Variants in AFAP1L2 observed in about 807,000 individuals in gnomAD.
The protein encoded by AFAP1L2 is actin filament associated protein 1 like 2.
Under a neutral mutation model 99.3 loss-of-function variants are expected in AFAP1L2, and 46 were observed. The observed-to-expected ratio is 0.46, with a 90% CI of 0.37 to 0.59. The LOEUF is 0.59. AFAP1L2 is among the 20% of genes least tolerant of loss of function. The pLI, the probability that AFAP1L2 is intolerant of heterozygous loss-of-function variation, is 0.00. For synonymous variants in AFAP1L2, 397 were observed against 419.1 expected (o/e 0.95, Z 0.64); for missense variants, 959 against 1,034.9 (o/e 0.93, Z 1.01).
chr10:114,319,365 C>T (rs2044707760), intron 5 of AFAP1L2, among the ~76,000 whole-genome samples: 1 of 136,216 alleles, frequency 7.3e-6, no homozygotes, highest in South Asian at 2.4e-4. Flanking sequence ...TGTTTTGATA[C>T]CACATGGGTG....
At chr10:114,365,130 T>C (rs1213678928) in intron 1 of AFAP1L2, among the ~76,000 whole-genome samples, 3 of 152,188 alleles carry the variant, frequency 2.0e-5, no homozygotes, top group African/African-American at 7.2e-5. Flanking sequence ...TACCCTAACG[T>C]TCCTTAGCAG....
At chr10:114,320,165 A>G (rs2044934189) in intron 5 of AFAP1L2, among the ~76,000 whole-genome samples, 2 of 152,166 alleles carry the variant, frequency 1.3e-5, no homozygotes, top group Admixed American at 1.3e-4. Flanking sequence ...CCAGGGTGAG[A>G]CACCATCAGT....
intron 2 of AFAP1L2, among the ~76,000 whole-genome samples, chr10:114,334,269 A>G (rs1007396711): frequency 2.0e-5 from 3 of 152,178 alleles, no homozygotes; most frequent in Non-Finnish European, 2.9e-5. Context: ...CTCTTGCTCC[A>G]TTTCCAATCC....
intron 1 of AFAP1L2, among the ~76,000 whole-genome samples, chr10:114,370,053 GT>G (rs1308135416): frequency 1.3e-5 from 2 of 152,172 alleles, no homozygotes; most frequent in Non-Finnish European, 2.9e-5. Context: ...CCCTGACTCT[GT>G]TTCCCCATCA....
intron 1 of AFAP1L2, among the ~76,000 whole-genome samples, chr10:114,385,655 A>T (rs867007927): frequency 1.3e-5 from 2 of 152,110 alleles, no homozygotes; most frequent in South Asian, 2.1e-4. Context: ...CCCTGCCCCC[A>T]CACCCCATTG....
intron 1 of AFAP1L2, among the ~76,000 whole-genome samples, chr10:114,356,180 A>T (rs2051348625): frequency 1.3e-5 from 2 of 152,246 alleles, no homozygotes; most frequent in Non-Finnish European, 2.9e-5. Context: ...TTGGAACAGT[A>T]ACATGGTGCA....
chr10:114,300,759 G>T, intron 13 of AFAP1L2, 69 bp from the exon 14 acceptor site: 1 of 1,520,274 alleles, frequency 6.6e-7, no homozygotes, highest in Non-Finnish European at 8.8e-7. Flanking sequence ...GGGGGTACCA[G>T]CCCTGCCTCA....
At chr10:114,288,353 G>A in the AFAP1L2 span, among the ~76,000 whole-genome samples, 12 of 152,224 alleles carry the variant, frequency 7.9e-5, no homozygotes, top group Admixed American at 2.6e-4. Flanking sequence ...CCCCTAGACT[G>A]TCAGCCTGTT....
At chr10:114,385,438 G>A (rs56114222) in intron 1 of AFAP1L2, among the ~76,000 whole-genome samples, 5,713 of 152,208 alleles carry the variant, frequency 0.038, 119 homozygotes, top group Middle Eastern at 0.095. Flanking sequence ...GGTCAGGGTC[G>A]AAGCCATCTG....
chr10:114,285,426 C>T, the AFAP1L2 span, among the ~76,000 whole-genome samples: 3 of 152,196 alleles, frequency 2.0e-5, no homozygotes, highest in South Asian at 2.1e-4. Context: ...ATGCAAAGTG[C>T]TTAGTACCAT....
chr10:114,328,949 C>T (rs2046839648), intron 4 of AFAP1L2, among the ~76,000 whole-genome samples: 1 of 152,218 alleles, frequency 6.6e-6, no homozygotes, highest in African/African-American at 2.4e-5. Flanking sequence ...AGGGGACTCG[C>T]AGTCCACACC....
At chr10:114,390,907 G>A (rs934229743) in intron 1 of AFAP1L2, among the ~76,000 whole-genome samples, 1 of 152,120 alleles carries the variant, frequency 6.6e-6, no homozygotes, top group Non-Finnish European at 1.5e-5. Context: ...GACTAAAGAA[G>A]CCCAGGCATT....
At chr10:114,293,175 C>T (rs1402289158), downstream of AFAP1L2, among the ~76,000 whole-genome samples, 1 of 152,200 alleles carries the variant, frequency 6.6e-6, no homozygotes. Context: ...TCATAATCAT[C>T]TATATTCAAG....
At position 114,295,016 on chromosome 10, in the gene AFAP1L2, TA is replaced by T. The variant is rs10627231; in HGVS notation, c.*1025del. 38,784 of 862,096 alleles carry T rather than the reference TA, an allele frequency of 0.045. 769 individuals are homozygous for T. Among genetic ancestry groups the T allele is most frequent in the African/African-American group, 0.22 (10,792 of 50,094 alleles). 53.4% of individuals were successfully genotyped at this position (862,096 alleles called of 1,614,324 possible). A position where few individuals can be genotyped will look rare whatever the true frequency, so the allele number is the denominator to read the frequency against. ...ATAGATGAAATGTTTCAACCTGTGT[TA>T]AAAAAAAAAAAAAAAAAATGCCATC... On this transcript the variant is annotated 3_prime_UTR_variant, in exon 19 of 19. Coordinates refer to ENST00000304129, the MANE Select transcript of AFAP1L2 (RefSeq NM_001001936.3).
chr10:114,351,807 G>A (rs1427847838), intron 1 of AFAP1L2, among the ~76,000 whole-genome samples: 1 of 152,146 alleles, frequency 6.6e-6, no homozygotes, highest in African/African-American at 2.4e-5. Flanking sequence ...CTGGGTTCTT[G>A]ATCTTGCAAG....
At chr10:114,331,734 C>T (rs560876971) in intron 4 of AFAP1L2, 69 bp downstream of exon 4, 7 of 1,116,104 alleles carry the variant, frequency 6.3e-6, no homozygotes, top group Non-Finnish European at 8.3e-6. Context: ...TGAGCTGACA[C>T]CTGTGGAGAC....
intron 1 of AFAP1L2, among the ~76,000 whole-genome samples, chr10:114,403,125 C>T (rs1406360161): frequency 6.6e-6 from 1 of 152,184 alleles, no homozygotes; most frequent in Non-Finnish European, 1.5e-5. Flanking sequence ...AGAAAACCAC[C>T]GGGTTAGAAA....
At chr10:114,396,572 A>T (rs962146155) in intron 1 of AFAP1L2, among the ~76,000 whole-genome samples, 1 of 152,228 alleles carries the variant, frequency 6.6e-6, no homozygotes, top group Non-Finnish European at 1.5e-5. Flanking sequence ...AGCATAGACA[A>T]GCAGGACTGC....
chr10:114,291,301 T>C (rs1238290365), downstream of AFAP1L2: 1 of 1,510,432 alleles, frequency 6.6e-7, no homozygotes, highest in African/African-American at 1.4e-5. Flanking sequence ...AGAGAAGGCC[T>C]GGGCACTGAA....
Sources: allele counts gnomAD v4.1 joint callset (sites outside exome capture counted in the v4.1 genomes callset), GRCh38; gene constraint gnomAD v4.1.1; transcripts MANE v1.5; gene names NCBI Gene and HGNC (gene_info 2026-07-23, HGNC 2026-07-21).